PLXNA4: variants seen among roughly 807,000 people sequenced by gnomAD.
The protein encoded by PLXNA4 is plexin-A4.
In PLXNA4, 44 loss-of-function variants were observed where a neutral mutation model predicts 191.8. The observed-to-expected ratio is 0.23, with a 90% confidence interval of 0.18 to 0.29. The LOEUF is 0.29. Among genes scored for constraint, PLXNA4 ranks in the 10% least tolerant of loss-of-function variants. PLXNA4 has a pLI of 1.00. For missense variants in PLXNA4, 1,800 were observed against 2,488.8 expected, an observed-to-expected ratio of 0.72 and a Z score of 5.89; for synonymous variants, 1,082 against 1,009.5, an observed-to-expected ratio of 1.07 and a Z score of -1.36.
At chr7:132,371,260 G>T (rs1413725887) in intron 3 of PLXNA4, among the ~76,000 whole-genome samples, 1 of 152,098 alleles carries the variant, frequency 6.6e-6, no homozygotes, top group Non-Finnish European at 1.5e-5. Flanking sequence ...AAAGAATATG[G>T]GAAGTTAAGA....
chr7:132,609,237 C>T (rs1299119780), intron 2 of PLXNA4, among the ~76,000 whole-genome samples: 1 of 152,156 alleles, frequency 6.6e-6, no homozygotes, highest in Non-Finnish European at 1.5e-5. Context: ...TCCTCAATGT[C>T]AGAGCAGTGC....
intron 4 of PLXNA4, among the ~76,000 whole-genome samples, chr7:132,276,792 G>A (rs1375439667): frequency 6.6e-6 from 1 of 152,160 alleles, no homozygotes; most frequent in Non-Finnish European, 1.5e-5. Flanking sequence ...AGACAGCCAG[G>A]TAGATTTTCT....
chr7:132,498,476 A>G (rs143788626), intron 2 of PLXNA4, among the ~76,000 whole-genome samples: 117 of 152,296 alleles, frequency 7.7e-4, no homozygotes, highest in Middle Eastern at 3.4e-3. Context: ...AGATCTCATA[A>G]GACTTATTCA....
At chr7:132,374,735 C>G (rs1177424830) in intron 3 of PLXNA4, among the ~76,000 whole-genome samples, 2 of 152,200 alleles carry the variant, frequency 1.3e-5, no homozygotes, top group African/African-American at 4.8e-5. Context: ...AAAGTCATGA[C>G]TAGCAAAATG....
chr7:132,352,655 G>A (rs992094545), intron 3 of PLXNA4, among the ~76,000 whole-genome samples: 7 of 152,144 alleles, frequency 4.6e-5, no homozygotes, highest in Admixed American at 3.3e-4. Context: ...AACACTCTCC[G>A]GGCTGGTGGC....
chr7:132,508,723 C>A lies in PLXNA4; in HGVS notation c.-30G>T, dbSNP rs767498619. 1.2e-5 allele frequency: 18 copies of A among 1,474,592 alleles called. No homozygotes were observed. In the East Asian group the frequency reaches 3.0e-4, roughly 24 times the overall value. The allele number at this position is 1,474,592 out of a possible 1,614,324, so 91.3% of individuals were successfully genotyped here. ...GAGGCGGGTCCCAGTGGCACAGCAG[C>A]ACTCAGGCACAGTCGTCCCCTCAGA... On this transcript the variant is annotated 5_prime_UTR_variant, in exon 2 of 32. Transcript: ENST00000321063. The surrounding 1 kb of genome is among the most constrained non-coding windows in gnomAD (Gnocchi z 4.4).
intron 3 of PLXNA4, among the ~76,000 whole-genome samples, chr7:132,428,562 C>A (rs543438491): frequency 6.6e-6 from 1 of 152,004 alleles, no homozygotes; most frequent in African/African-American, 2.4e-5. Context: ...GTGATTAAAC[C>A]GAAGCTTCCA....
chr7:132,270,754 A>C (rs1800036557), intron 4 of PLXNA4, among the ~76,000 whole-genome samples: 1 of 152,380 alleles, frequency 6.6e-6, no homozygotes, highest in East Asian at 1.9e-4. Flanking sequence ...ACAGAACCAA[A>C]GAATTTTATC....
chr7:132,472,843 G>A (rs546235763), intron 3 of PLXNA4, among the ~76,000 whole-genome samples: 2 of 152,256 alleles, frequency 1.3e-5, no homozygotes, highest in East Asian at 1.9e-4. Flanking sequence ...GGAACAGGCT[G>A]GGGGGTCTGG....
chr7:132,643,754 G>C (rs1206724551), intron 2 of PLXNA4, among the ~76,000 whole-genome samples: 4 of 152,058 alleles, frequency 2.6e-5, no homozygotes, highest in African/African-American at 9.7e-5. Flanking sequence ...TTCAAGACCA[G>C]TCTCAGCAAC....
chr7:132,330,416 G>C (rs56190025), intron 3 of PLXNA4, among the ~76,000 whole-genome samples: 2 of 152,152 alleles, frequency 1.3e-5, no homozygotes, highest in African/African-American at 2.4e-5. Context: ...AATATAACCC[G>C]CTCACCAGTG....
chr7:132,185,851 T>C (rs1454337385), intron 15 of PLXNA4, among the ~76,000 whole-genome samples: 3 of 152,180 alleles, frequency 2.0e-5, no homozygotes, highest in Non-Finnish European at 2.9e-5. Context: ...CTCTTAGTGA[T>C]TTTTCATTCA....
At chr7:132,514,329 G>T (rs566494975) in intron 1 of PLXNA4, among the ~76,000 whole-genome samples, 1 of 152,234 alleles carries the variant, frequency 6.6e-6, no homozygotes, top group African/African-American at 2.4e-5. Context: ...GGGATTACAG[G>T]CATGAGCCAC....
At chr7:132,479,557 C>A (rs1165791381) in intron 3 of PLXNA4, among the ~76,000 whole-genome samples, 1 of 152,236 alleles carries the variant, frequency 6.6e-6, no homozygotes, top group Non-Finnish European at 1.5e-5. Flanking sequence ...CGGGACCCCA[C>A]AATGAGCAAG....
In PLXNA4 at chr7:132,216,046, G is replaced by A. The variant is rs547692298; in HGVS notation, c.2098-4903C>T. 4.6e-5 allele frequency among the ~76,000 whole-genome samples: 7 copies of A among 152,312 alleles called. No homozygotes were observed. The South Asian group carries it at 8.3e-4, about 18-fold the overall frequency. On this transcript the variant is annotated intron_variant, in intron 9 of 31. Transcript: ENST00000321063. ...GGTGACAACCTCAGATTTGCAATTG[G>A]CATCTGAAGTGGAGACAGTCTTTTG...
At chr7:132,332,047 A>G (rs1802609014) in intron 3 of PLXNA4, among the ~76,000 whole-genome samples, 2 of 152,212 alleles carry the variant, frequency 1.3e-5, no homozygotes, top group African/African-American at 4.8e-5. Context: ...CACGACTTCT[A>G]AACTCCCTTC....
At chr7:132,613,554 G>A (rs2116857008) in intron 2 of PLXNA4, among the ~76,000 whole-genome samples, 1 of 152,344 alleles carries the variant, frequency 6.6e-6, no homozygotes, top group Middle Eastern at 3.4e-3. Context: ...TGGTGGCTGA[G>A]TGGATATGGC....
rs762143565 is a variant in PLXNA4 at position 132,182,124 on chromosome 7, G to A, written c.3225C>T (p.Ala1075=). ...TGATGTGCTCCTTCCCTCCATGCTT[G>A]GCACGGATCTGGGGGTTCTGTATGA... is the stretch of plus-strand genomic sequence containing the variant. The part of the protein sequence containing the change: ...LDLIQNPQIR[A]KHGGKEHINI... Residue 1075 remains alanine, a synonymous_variant, in exon 17 of 32, where the codon GCC becomes GCT. Transcript: ENST00000321063. 67 of 1,614,056 alleles carry A rather than the reference G, an allele frequency of 4.2e-5. No homozygotes were observed. The South Asian group carries it at 7.4e-4, about 18-fold the overall frequency.
At chr7:132,639,251 TCCA>T (rs1803669474) in intron 2 of PLXNA4, among the ~76,000 whole-genome samples, 2 of 152,186 alleles carry the variant, frequency 1.3e-5, no homozygotes, top group African/African-American at 4.8e-5. Flanking sequence ...TGATAACTCT[TCCA>T]GTCCTTAGGC....
Sources: allele counts gnomAD v4.1 joint callset (sites outside exome capture counted in the v4.1 genomes callset), GRCh38; gene constraint gnomAD v4.1.1; non-coding constraint Gnocchi (gnomAD v3.1); transcripts MANE v1.5; gene names NCBI Gene and HGNC (gene_info 2026-07-23, HGNC 2026-07-21).